ATP8B4: variants seen among roughly 807,000 people sequenced by gnomAD.
ATP8B4 encodes probable phospholipid-transporting ATPase IM.
A neutral mutation model predicts 145.6 loss-of-function variants in ATP8B4; 133 were observed. The ratio of observed to expected loss-of-function variants is 0.91; its 90% CI spans 0.79 to 1.05. ATP8B4 has a LOEUF of 1.05. Ranked by LOEUF, ATP8B4 falls within the 50% of genes least tolerant of loss-of-function variation. The pLI is 0.00. For synonymous variants in ATP8B4, 507 were observed against 492.9 expected, an observed-to-expected ratio of 1.03 and a Z score of -0.38; for missense variants, 1,458 against 1,425.2, an observed-to-expected ratio of 1.02 and a Z score of -0.37.
chr15:50,084,012 T>A lies in ATP8B4; in HGVS notation c.29-9827A>T, dbSNP rs1409995790. Among the ~76,000 whole-genome samples the A allele has an allele frequency of 5.9e-5, 9 of 152,052 alleles. No homozygotes were observed. The South Asian group carries it at 1.5e-3, about 25-fold the overall frequency. The stretch of plus-strand genomic sequence containing the variant: ...GCAACTGGAGAAAAGGAACATCACA[T>A]CCAGACGGGTGGCCAAAAAGCATCC... On this transcript the variant is annotated intron_variant, in intron 2 of 27. Transcript: ENST00000284509.
At chr15:49,923,817 C>T (rs2040472242) in intron 16 of ATP8B4, among the ~76,000 whole-genome samples, 1 of 152,172 alleles carries the variant, frequency 6.6e-6, no homozygotes, top group Non-Finnish European at 1.5e-5. Flanking sequence ...TCTTCATCTC[C>T]ATATTAAGCA....
At chr15:50,117,058 AT>A (rs1044714518) in intron 1 of ATP8B4, among the ~76,000 whole-genome samples, 95 of 150,208 alleles carry the variant, frequency 6.3e-4, no homozygotes, top group African/African-American at 2.2e-3. Flanking sequence ...TTATTTATTT[AT>A]TTTTTTGTGG....
At chr15:49,959,107 A>G (rs573405202) in intron 14 of ATP8B4, among the ~76,000 whole-genome samples, 48 of 152,114 alleles carry the variant, frequency 3.2e-4, no homozygotes, top group South Asian at 6.2e-4. Context: ...GCATATTAAA[A>G]AACAGTTTAA....
chr15:50,106,849 C>T, intron 2 of ATP8B4, 90 bp downstream of exon 2: 4 of 1,331,348 alleles, frequency 3.0e-6, no homozygotes, highest in South Asian at 1.4e-5. Context: ...GACCTGTGTG[C>T]TTTTTATATA....
intron 1 of ATP8B4, 75 bp from the exon 2 acceptor site, chr15:50,107,083 TC>T: frequency 6.2e-6 from 6 of 975,496 alleles, no homozygotes; most frequent in Non-Finnish European, 8.8e-6. Flanking sequence ...TTAACTTTCT[TC>T]CTAGACAAAT....
intron 2 of ATP8B4, among the ~76,000 whole-genome samples, chr15:50,075,706 ACCAC>A (rs1046711166): frequency 1.3e-5 from 2 of 152,190 alleles, no homozygotes; most frequent in African/African-American, 2.4e-5. Context: ...CAACCTCTCA[ACCAC>A]CCACCCACCT....
intron 14 of ATP8B4, among the ~76,000 whole-genome samples, chr15:49,956,312 A>T (rs1328476288): frequency 6.6e-6 from 1 of 152,194 alleles, no homozygotes; most frequent in Non-Finnish European, 1.5e-5. Context: ...TCACAGAATC[A>T]TAGAAACTTA....
chr15:49,945,669 T>A (rs2042503147), intron 14 of ATP8B4, among the ~76,000 whole-genome samples: 1 of 152,258 alleles, frequency 6.6e-6, no homozygotes, highest in South Asian at 2.1e-4. Context: ...TGGGATTTAT[T>A]CCTGGGATTG....
intron 23 of ATP8B4, among the ~76,000 whole-genome samples, chr15:49,887,845 C>A (rs1410636650): frequency 6.6e-6 from 1 of 152,136 alleles, no homozygotes; most frequent in African/African-American, 2.4e-5. Context: ...AACACAAAAC[C>A]TATGATTTAT....
intron 3 of ATP8B4, among the ~76,000 whole-genome samples, chr15:50,069,051 C>A (rs561140072): frequency 1.1e-3 from 163 of 152,292 alleles, no homozygotes; most frequent in African/African-American, 3.9e-3. Context: ...TTTAAAACAA[C>A]TGTTTTCTAC....
At chr15:50,127,453 A>G (rs1203596138) in intron 1 of ATP8B4, among the ~76,000 whole-genome samples, 1 of 152,158 alleles carries the variant, frequency 6.6e-6, no homozygotes, top group East Asian at 1.9e-4. Context: ...TACATCCCAC[A>G]GCAATCGTGA....
rs767573201 is a variant in ATP8B4, at chr15:49,923,437, A to C, written c.1700T>G (p.Phe567Cys). The C allele has an allele frequency of 2.5e-5, 40 of 1,613,638 alleles. No individual in the cohort carries two copies. Among genetic ancestry groups the C allele is most frequent in the Middle Eastern group, 3.3e-4 (2 of 6,084 alleles). The change falls in exon 17 of 28, where the codon TTT becomes TGT. Residue 567 changes from phenylalanine to cysteine, a missense_variant. Phe to Cys is a radical substitution (Grantham distance 205, BLOSUM62 -2). Coordinates refer to ENST00000284509, the MANE Select transcript of ATP8B4 (RefSeq NM_024837.4). ...LYSKGADTILFEKLHPSNEVL... is the reference protein window; with the variant it reads ...LYSKGADTILCEKLHPSNEVL... ...TTCATTGGAAGGATGAAGTTTTTCA[A>C]ACAGAATAGTATCTGCTCCTTTGGA...
chr15:50,173,174 C>A (rs1304626093), intron 1 of ATP8B4, among the ~76,000 whole-genome samples: 19 of 151,682 alleles, frequency 1.3e-4, no homozygotes, highest in African/African-American at 4.6e-4. Flanking sequence ...TCTGCCCGGC[C>A]GCCACCCCGT....
chr15:50,066,607 A>C (rs1410566560), intron 3 of ATP8B4, among the ~76,000 whole-genome samples: 1 of 152,188 alleles, frequency 6.6e-6, no homozygotes, highest in African/African-American at 2.4e-5. Context: ...GAAAATATTT[A>C]CGGAGTTTTA....
intron 2 of ATP8B4, among the ~76,000 whole-genome samples, chr15:50,080,890 G>T (rs1044134988): frequency 6.6e-6 from 1 of 152,102 alleles, no homozygotes; most frequent in Non-Finnish European, 1.5e-5. Context: ...GAGGCAGGCG[G>T]ATCATGATGT....
intron 3 of ATP8B4, among the ~76,000 whole-genome samples, chr15:50,057,673 C>T (rs1193642674): frequency 1.3e-5 from 2 of 152,200 alleles, no homozygotes; most frequent in East Asian, 3.8e-4. Context: ...GGAAAGCTTT[C>T]AGGCCTCTGT....
At chr15:49,873,063 T>C (rs919680398) in intron 25 of ATP8B4, among the ~76,000 whole-genome samples, 7 of 152,248 alleles carry the variant, frequency 4.6e-5, no homozygotes, top group African/African-American at 1.7e-4. Flanking sequence ...TATTCCTGTT[T>C]GAACAAGATG....
intron 1 of ATP8B4, among the ~76,000 whole-genome samples, chr15:50,153,622 C>T (rs1413686452): frequency 7.1e-6 from 1 of 140,966 alleles, no homozygotes; most frequent in Non-Finnish European, 1.5e-5. Flanking sequence ...CAGGCATGAG[C>T]CACTGCGCCC....
intron 21 of ATP8B4, among the ~76,000 whole-genome samples, chr15:49,900,780 G>A (rs2899440): frequency 0.48 from 72,483 of 151,922 alleles, 17,898 homozygotes; most frequent in African/African-American, 0.61. Context: ...ACAGTGAGCC[G>A]TAACACTCCC....
Sources: allele counts gnomAD v4.1 joint callset (sites outside exome capture counted in the v4.1 genomes callset), GRCh38; gene constraint gnomAD v4.1.1; transcripts MANE v1.5; gene names NCBI Gene and HGNC (gene_info 2026-07-23, HGNC 2026-07-21).